The following SEM1 variants were observed in gnomAD, a reference collection of about 807,000 sequenced individuals.
SEM1 encodes 26S proteasome complex subunit SEM1.
SEM1 carries 3 observed loss-of-function variants against 12.7 expected under a neutral mutation model. The observed-to-expected ratio is 0.24, with a 90% CI of 0.11 to 0.61. The LOEUF is 0.61. Ranked by LOEUF, SEM1 falls within the 20% of genes least tolerant of loss-of-function variation. SEM1 has a pLI of 0.88. For missense variants in SEM1, 59 were observed against 81.3 expected (o/e 0.73, Z 1.06); for synonymous variants, 30 against 27.8 (o/e 1.08, Z -0.25).
chr7:96,602,124 T>C (rs1333229441), intron 2 of SEM1, among the ~76,000 whole-genome samples: 1 of 152,138 alleles, frequency 6.6e-6, no homozygotes, highest in African/African-American at 2.4e-5. Context: ...GGATAGTGGA[T>C]ATGCAAGTCA....
chr7:96,498,079 C>A (rs923082486), upstream of SEM1, among the ~76,000 whole-genome samples: 3 of 152,102 alleles, frequency 2.0e-5, no homozygotes, highest in Admixed American at 2.0e-4. Flanking sequence ...GTTTTACATG[C>A]AACATCTCAT....
At chr7:96,530,377 C>G (rs1804603027) in intron 2 of SEM1, among the ~76,000 whole-genome samples, 1 of 151,964 alleles carries the variant, frequency 6.6e-6, no homozygotes, top group South Asian at 2.1e-4. Flanking sequence ...AGGTGAGGGC[C>G]CCATGGAGGT....
intron 1 of SEM1, among the ~76,000 whole-genome samples, chr7:96,492,676 C>A (rs1803064080): frequency 1.4e-5 from 2 of 147,944 alleles, no homozygotes; most frequent in Admixed American, 1.4e-4. Context: ...AGCGATCCAC[C>A]AGCCTTGGCC....
At position 96,541,431 on chromosome 7, in the gene SEM1, G is replaced by T. The variant is rs557444537; in HGVS notation, c.171-34733C>A. Among the ~76,000 whole-genome samples the T allele has an allele frequency of 2.2e-3, 266 of 121,496 alleles. 7 individuals are homozygous for T. The East Asian group carries it at 0.041, about 19-fold the overall frequency. The allele number at this position is 121,496 out of a possible 152,430, so 79.7% of individuals were successfully genotyped here. A position where few individuals can be genotyped will look rare whatever the true frequency, so the allele number is the denominator to read the frequency against. On this transcript the variant is annotated intron_variant and NMD_transcript_variant, in intron 2 of 3. Coordinates refer to the SEM1 transcript ENST00000466986. ...CATGTCTTTTCCCACTTTTTAATGG[G>T]TTTTTTTTTTTGTTTTTTTTTTTTT...
downstream of SEM1, among the ~76,000 whole-genome samples, chr7:96,670,384 T>A (rs957129806): frequency 1.3e-5 from 2 of 152,190 alleles, no homozygotes; most frequent in Non-Finnish European, 2.9e-5. Flanking sequence ...CTTTATAATA[T>A]ACTCTTTTTT....
At chr7:96,688,277 C>T (rs1364652709), downstream of SEM1, 1 of 152,046 alleles carries the variant, frequency 6.6e-6, no homozygotes, top group African/African-American at 2.4e-5. Context: ...ATCTTGAGCC[C>T]ACTTCCTCAA....
intron 2 of SEM1, among the ~76,000 whole-genome samples, chr7:96,654,098 T>C (rs1426375714): frequency 6.6e-6 from 1 of 152,210 alleles, no homozygotes; most frequent in Non-Finnish European, 1.5e-5. Context: ...AAGGAAGCCC[T>C]ATATTTGTAA....
intron 2 of SEM1, among the ~76,000 whole-genome samples, chr7:96,658,284 T>C (rs1255390585): frequency 6.6e-6 from 1 of 152,160 alleles, no homozygotes; most frequent in Non-Finnish European, 1.5e-5. Context: ...ACAGTGTGAG[T>C]GCTCAGTTAA....
intron 1 of SEM1, among the ~76,000 whole-genome samples, chr7:96,703,279 G>GC (rs1372842043): frequency 2.0e-5 from 3 of 152,170 alleles, no homozygotes; most frequent in African/African-American, 7.2e-5. Context: ...CTATAGTAAT[G>GC]CATCAGTGCG....
chr7:96,642,340 T>C (rs1320369048), intron 2 of SEM1, among the ~76,000 whole-genome samples: 1 of 152,128 alleles, frequency 6.6e-6, no homozygotes. Context: ...GTTGTAATTA[T>C]GTAGATTTTA....
intron 2 of SEM1, among the ~76,000 whole-genome samples, chr7:96,514,047 A>G (rs1467906437): frequency 6.6e-6 from 1 of 152,112 alleles, no homozygotes; most frequent in African/African-American, 2.4e-5. Flanking sequence ...GATTCATGAT[A>G]TACATTTGGG....
At chr7:96,613,578 A>G (rs780276105) in intron 2 of SEM1, among the ~76,000 whole-genome samples, 1 of 152,204 alleles carries the variant, frequency 6.6e-6, no homozygotes, top group Non-Finnish European at 1.5e-5. Flanking sequence ...TAGCTATTTT[A>G]AAATATACAA....
intron 2 of SEM1, among the ~76,000 whole-genome samples, chr7:96,580,442 G>A (rs1161025531): frequency 6.6e-6 from 1 of 151,194 alleles, no homozygotes; most frequent in South Asian, 2.1e-4. Flanking sequence ...ATGTGCATGT[G>A]TCTTTATAGC....
intron 2 of SEM1, among the ~76,000 whole-genome samples, chr7:96,571,384 T>C (rs1054281770): frequency 6.6e-6 from 1 of 151,854 alleles, no homozygotes; most frequent in Admixed American, 6.6e-5. Context: ...TTTTGTATAA[T>C]GTGTATGGAA....
At chr7:96,623,394 A>G (rs1807956860) in intron 2 of SEM1, among the ~76,000 whole-genome samples, 1 of 150,614 alleles carries the variant, frequency 6.6e-6, no homozygotes, top group Non-Finnish European at 1.5e-5. Context: ...CTTTATAATA[A>G]TGAATAGAAT....
At chr7:96,681,524 C>G (rs933901298) in intron 2 of SEM1, among the ~76,000 whole-genome samples, 1 of 152,056 alleles carries the variant, frequency 6.6e-6, no homozygotes, top group Non-Finnish European at 1.5e-5. Flanking sequence ...TTAGGTCTTA[C>G]GTTTAAGTCT....
At chr7:96,611,960 G>C (rs1807552896) in intron 2 of SEM1, among the ~76,000 whole-genome samples, 1 of 151,600 alleles carries the variant, frequency 6.6e-6, no homozygotes, top group Non-Finnish European at 1.5e-5. Context: ...TGCTAGGAAA[G>C]AGCCTCATTT....
At chr7:96,594,677 AT>A (rs1806940443) in intron 2 of SEM1, among the ~76,000 whole-genome samples, 1 of 152,216 alleles carries the variant, frequency 6.6e-6, no homozygotes, top group Admixed American at 6.5e-5. Context: ...ATTTGGTAAA[AT>A]GTTTTGAAAT....
At chr7:96,670,161 A>G (rs2116576468), downstream of SEM1, among the ~76,000 whole-genome samples, 1 of 152,316 alleles carries the variant, frequency 6.6e-6, no homozygotes, top group East Asian at 1.9e-4. Context: ...AAAATCTACA[A>G]TTTTATTACT....
Sources: gnomAD v4.1 joint callset for allele counts (sites outside exome capture counted in the v4.1 genomes callset) on GRCh38, gnomAD v4.1.1 for gene constraint, MANE v1.5 for transcripts, NCBI Gene and HGNC (gene_info 2026-07-23, HGNC 2026-07-21) for gene names.